UBR3: variants seen among roughly 807,000 people sequenced by gnomAD.
UBR3 encodes E3 ubiquitin-protein ligase UBR3.
A neutral mutation model predicts 243.2 loss-of-function variants in UBR3; 85 were observed. The observed-to-expected ratio is 0.35, with a 90% CI of 0.29 to 0.42. The LOEUF (loss-of-function observed/expected upper bound fraction) is 0.42. Ranked by LOEUF, UBR3 falls within the 10% of genes least tolerant of loss-of-function variation. UBR3 has a pLI of 1.00. For synonymous variants in UBR3, 748 were observed against 799.8 expected (o/e 0.94, Z 1.09); for missense variants, 1,686 against 2,300.8 (o/e 0.73, Z 5.47).
chr2:169,888,004 G>A (rs1419363591), intron 5 of UBR3, among the ~76,000 whole-genome samples: 2 of 151,858 alleles, frequency 1.3e-5, no homozygotes, highest in Admixed American at 6.6e-5. Context: ...TCAAACTCCC[G>A]ACCTCAGGTG....
chr2:170,005,328 T>C (rs552934297), intron 27 of UBR3, among the ~76,000 whole-genome samples: 1 of 152,154 alleles, frequency 6.6e-6, no homozygotes, highest in South Asian at 2.1e-4. Context: ...AAGGACAAAG[T>C]TGAGGTTGGA....
intron 24 of UBR3, among the ~76,000 whole-genome samples, chr2:169,963,897 G>A (rs1000854741): frequency 1.3e-5 from 2 of 152,066 alleles, no homozygotes; most frequent in Non-Finnish European, 2.9e-5. Context: ...ACATTGTTCT[G>A]TATTTGTTCT....
At position 170,080,321 on chromosome 2, in the gene UBR3, C is replaced by T. The variant is rs941491212; in HGVS notation, c.5410-224C>T. ...CATCTGTGCTGTTGAAGATACTAGACTCTGAATTAGGTTGGCTCTTAATTG... is the reference window on the plus strand; with the variant it reads ...CATCTGTGCTGTTGAAGATACTAGATTCTGAATTAGGTTGGCTCTTAATTG... On this transcript the variant is annotated intron_variant, in intron 37 of 38. Coordinates refer to ENST00000272793, the MANE Select transcript of UBR3 (RefSeq NM_172070.4). 10 of 586,762 alleles carry T rather than the reference C, an allele frequency of 1.7e-5. No individual in the cohort carries two copies. In the East Asian group the frequency reaches 2.1e-4, roughly 12 times the overall value. The allele number at this position is 586,762 out of a possible 1,614,324, so 36.3% of individuals were successfully genotyped here.
At chr2:170,042,015 G>C (rs530341281) in intron 32 of UBR3, among the ~76,000 whole-genome samples, 74 of 152,236 alleles carry the variant, frequency 4.9e-4, no homozygotes, top group Non-Finnish European at 9.1e-4. Flanking sequence ...GTGCCATTTA[G>C]TACTGTCACA....
chr2:170,009,754 G>A (rs574041641), intron 29 of UBR3, among the ~76,000 whole-genome samples: 7 of 152,128 alleles, frequency 4.6e-5, no homozygotes, highest in South Asian at 2.1e-4. Flanking sequence ...TGTGACTTGA[G>A]GTCAATACAG....
At chr2:169,887,285 G>A (rs1444339378) in intron 5 of UBR3, among the ~76,000 whole-genome samples, 1 of 152,116 alleles carries the variant, frequency 6.6e-6, no homozygotes, top group African/African-American at 2.4e-5. Flanking sequence ...AGTTCCTGAG[G>A]GCTGTACAAA....
At chr2:170,013,318 G>T (rs1288195293) in intron 29 of UBR3, among the ~76,000 whole-genome samples, 2 of 152,044 alleles carry the variant, frequency 1.3e-5, no homozygotes, top group Non-Finnish European at 2.9e-5. Flanking sequence ...TAAAATCCTA[G>T]ATATTGCTGG....
intron 31 of UBR3, among the ~76,000 whole-genome samples, chr2:170,037,105 C>A (rs1356486870): frequency 2.0e-5 from 3 of 152,000 alleles, no homozygotes; most frequent in Non-Finnish European, 4.4e-5. Flanking sequence ...TGCAAATAAC[C>A]AAGTAGTATT....
At chr2:169,891,291 C>A (rs1559065335) in intron 6 of UBR3, 60 bp downstream of exon 6, 2 of 1,314,536 alleles carry the variant, frequency 1.5e-6, no homozygotes, top group Admixed American at 2.0e-5. Context: ...AATGCCTAAT[C>A]ACTAAAAATA....
At chr2:169,978,537 A>G (rs966398882) in intron 24 of UBR3, among the ~76,000 whole-genome samples, 1 of 151,890 alleles carries the variant, frequency 6.6e-6, no homozygotes, top group African/African-American at 2.4e-5. Context: ...TATAGCCACT[A>G]TTTGGGAGTC....
chr2:170,061,952 T>G (rs1335977251), intron 35 of UBR3, among the ~76,000 whole-genome samples: 1 of 152,240 alleles, frequency 6.6e-6, no homozygotes. Flanking sequence ...ATATTGGATA[T>G]TTGAGCAGCT....
At chr2:170,062,834 G>A (rs1432360917) in intron 35 of UBR3, among the ~76,000 whole-genome samples, 1 of 152,228 alleles carries the variant, frequency 6.6e-6, no homozygotes, top group Non-Finnish European at 1.5e-5. Flanking sequence ...TTGGTCTGGT[G>A]TTTGAGTGTA....
chr2:169,948,220 T>G (rs1023770081), intron 22 of UBR3, among the ~76,000 whole-genome samples: 6 of 152,012 alleles, frequency 3.9e-5, no homozygotes, highest in Non-Finnish European at 7.4e-5. Context: ...GTAGCATATT[T>G]GAGTCTCTTT....
chr2:170,021,446 C>G (rs908607820), intron 30 of UBR3, among the ~76,000 whole-genome samples: 1 of 152,078 alleles, frequency 6.6e-6, no homozygotes, highest in African/African-American at 2.4e-5. Context: ...CTCACTGTAA[C>G]CTCACGTGGT....
intron 1 of UBR3, among the ~76,000 whole-genome samples, chr2:169,870,906 G>C (rs1574086772): frequency 6.6e-6 from 1 of 150,848 alleles, no homozygotes; most frequent in Admixed American, 6.6e-5. Flanking sequence ...CACCGGCCTT[G>C]GCCTCCCAAA....
At chr2:170,071,004 C>T (rs114275852) in intron 35 of UBR3, among the ~76,000 whole-genome samples, 3 of 152,042 alleles carry the variant, frequency 2.0e-5, no homozygotes, top group African/African-American at 7.2e-5. Context: ...GAATGGCCAA[C>T]AAGTAGATGA....
intron 38 of UBR3, 130 bp downstream of exon 38, chr2:170,080,814 T>C: frequency 1.9e-6 from 2 of 1,040,618 alleles, no homozygotes; most frequent in East Asian, 2.6e-5. Context: ...AATTTAGAGC[T>C]ATTTCTAGTT....
At chr2:169,828,690 A>T (rs2081829033) in intron 1 of UBR3, among the ~76,000 whole-genome samples, 1 of 152,136 alleles carries the variant, frequency 6.6e-6, no homozygotes, top group African/African-American at 2.4e-5. Context: ...TGCTGGAATG[A>T]CATTTAGAAT....
intron 29 of UBR3, among the ~76,000 whole-genome samples, chr2:170,013,632 C>A (rs2105409736): frequency 6.6e-6 from 1 of 151,926 alleles, no homozygotes; most frequent in African/African-American, 2.4e-5. Flanking sequence ...ATATGTTTGT[C>A]ATCCGTTATA....
Sources: gnomAD v4.1 joint callset for allele counts (sites outside exome capture counted in the v4.1 genomes callset) on GRCh38, gnomAD v4.1.1 for gene constraint, MANE v1.5 for transcripts, NCBI Gene and HGNC (gene_info 2026-07-23, HGNC 2026-07-21) for gene names.